Variants in CELF2 observed in about 807,000 individuals in gnomAD.
CELF2 encodes the protein CUG triplet repeat RNA-binding protein 2.
A neutral mutation model predicts 62.6 loss-of-function variants in CELF2; 8 were observed. The ratio of observed to expected loss-of-function variants is 0.13; its 90% CI spans 0.07 to 0.23. CELF2 has a LOEUF of 0.23. CELF2 is among the 10% of genes least tolerant of loss of function. The pLI is 1.00. For missense variants in CELF2, 333 were observed against 671.0 expected (o/e 0.50, Z 5.56); for synonymous variants, 258 against 250.0 (o/e 1.03, Z -0.30).
At chr10:10,497,406 C>A in the CELF2 span, among the ~76,000 whole-genome samples, 1 of 152,032 alleles carries the variant, frequency 6.6e-6, no homozygotes, top group Non-Finnish European at 1.5e-5. Flanking sequence ...GCACTAGGTG[C>A]TGAAAATACA....
At chr10:10,582,803 C>T in the CELF2 span, among the ~76,000 whole-genome samples, 79 of 152,262 alleles carry the variant, frequency 5.2e-4, no homozygotes, top group East Asian at 0.012. Context: ...TGACCTTCTT[C>T]TGTATTCTGC....
rs562264200 is a variant in CELF2, at chr10:11,046,316, C to T, written c.74+28153C>T. ...GATTGTGATGCCCGTGTCAATGTGC[C>T]GGTCAGAAAATCACAGATTGCCAAC... On this transcript the variant is annotated intron_variant, in intron 1 of 12. Transcript: ENST00000633077. The surrounding 1 kb of genome is among the most constrained non-coding windows in gnomAD (Gnocchi z 4.6). 9.2e-5 allele frequency among the ~76,000 whole-genome samples: 14 copies of T among 152,268 alleles called. No individual in the cohort carries two copies. The highest frequency in any genetic ancestry group is 2.1e-4 in the South Asian group (1 of 4,824).
chr10:10,619,077 A>T, the CELF2 span, among the ~76,000 whole-genome samples: 2 of 152,202 alleles, frequency 1.3e-5, no homozygotes, highest in Non-Finnish European at 2.9e-5. Context: ...GGAAGGGGGA[A>T]CTTCCATGTT....
At chr10:11,199,734 G>T (rs997890292) in intron 2 of CELF2, among the ~76,000 whole-genome samples, 3 of 152,216 alleles carry the variant, frequency 2.0e-5, no homozygotes, top group South Asian at 2.1e-4. Flanking sequence ...TGGAAATTAA[G>T]AATTTTTTTT....
chr10:10,564,102 C>T, the CELF2 span, among the ~76,000 whole-genome samples: 2 of 152,206 alleles, frequency 1.3e-5, no homozygotes, highest in Non-Finnish European at 2.9e-5. Context: ...ATCCTTTGCT[C>T]GCTACCTTTT....
chr10:10,907,262 T>C (rs968701473), intron 1 of CELF2, among the ~76,000 whole-genome samples: 1 of 152,198 alleles, frequency 6.6e-6, no homozygotes, highest in Admixed American at 6.5e-5. Flanking sequence ...AGGTTAATGA[T>C]GGAATTTTTT....
At chr10:11,250,107 A>T (rs1227539682) in intron 4 of CELF2, among the ~76,000 whole-genome samples, 2 of 152,160 alleles carry the variant, frequency 1.3e-5, no homozygotes, top group African/African-American at 4.8e-5. Flanking sequence ...ATTTTTTGCT[A>T]ATTGTAGTGC....
the CELF2 span, among the ~76,000 whole-genome samples, chr10:10,604,271 T>A: frequency 5.9e-5 from 9 of 152,206 alleles, no homozygotes; most frequent in African/African-American, 2.2e-4. Flanking sequence ...TAGCTTAAGA[T>A]ACGATAGATT....
chr10:11,320,819 T>G (rs1027117305), intron 10 of CELF2: 107 of 1,487,748 alleles, frequency 7.2e-5, no homozygotes, highest in Admixed American at 1.6e-4. Flanking sequence ...AGGCCTCTGC[T>G]ACTAAGGTTT....
At chr10:10,647,404 G>T in the CELF2 span, among the ~76,000 whole-genome samples, 1 of 152,062 alleles carries the variant, frequency 6.6e-6, no homozygotes. Flanking sequence ...ACTCTCCCAG[G>T]TCTTTCTGAT....
chr10:10,881,144 T>C (rs1161027316), intron 1 of CELF2, among the ~76,000 whole-genome samples: 1 of 152,208 alleles, frequency 6.6e-6, no homozygotes, highest in Admixed American at 6.5e-5. Flanking sequence ...CCTTGATCAG[T>C]TGCTCACCAC....
chr10:10,759,312 T>C, the CELF2 span, among the ~76,000 whole-genome samples: 53,439 of 130,154 alleles, frequency 0.41, 12,350 homozygotes, highest in African/African-American at 0.62. Context: ...TTTTTTTTTT[T>C]TTTTTTTTTT....
At chr10:10,777,351 A>G in the CELF2 span, among the ~76,000 whole-genome samples, 1 of 152,144 alleles carries the variant, frequency 6.6e-6, no homozygotes, top group African/African-American at 2.4e-5. Flanking sequence ...CCTAGACTGA[A>G]TTCATAATCA....
the CELF2 span, chr10:10,792,483 C>T: frequency 1.5e-5 from 6 of 398,254 alleles, no homozygotes; most frequent in South Asian, 7.6e-4. Context: ...ATTCGGCTTT[C>T]CTTGAAAACT....
At chr10:10,896,398 G>C (rs1235257595) in intron 1 of CELF2, among the ~76,000 whole-genome samples, 2 of 152,172 alleles carry the variant, frequency 1.3e-5, no homozygotes, top group Admixed American at 1.3e-4. Context: ...GATACACCAT[G>C]TGTACTGGGT....
At chr10:10,877,521 A>T (rs1415548558) in intron 1 of CELF2, among the ~76,000 whole-genome samples, 1 of 152,226 alleles carries the variant, frequency 6.6e-6, no homozygotes. Context: ...TCAGATATGC[A>T]TTTATCTCAG....
rs977230054 is a variant in CELF2, at chr10:11,318,847, C to T, written c.1097-2342C>T. The T allele has an allele frequency of 2.5e-5, 12 of 471,126 alleles. No individual in the cohort carries two copies. The highest frequency in any genetic ancestry group is 7.0e-5 in the Admixed American group (3 of 42,566). 29.2% of individuals were successfully genotyped at this position (471,126 alleles called of 1,614,324 possible). Reference sequence around the variant, plus strand: ...TGTGTATCTGGCACTCTGGAGAAGCCGAGTCGTGGAGGCTGCACATCGCAG... The same window carrying T: ...TGTGTATCTGGCACTCTGGAGAAGCTGAGTCGTGGAGGCTGCACATCGCAG... On this transcript the variant is annotated intron_variant, in intron 10 of 12. Coordinates refer to ENST00000633077, the MANE Select transcript of CELF2 (RefSeq NM_001326342.2). This position sits in a 1 kb window ranked among gnomAD's most constrained non-coding sequence, Gnocchi z 5.4.
chr10:11,042,996 T>C (rs1271518801), intron 1 of CELF2, among the ~76,000 whole-genome samples: 1 of 152,248 alleles, frequency 6.6e-6, no homozygotes, highest in Non-Finnish European at 1.5e-5. Context: ...TACAAGTTTT[T>C]GTGTGAAAAC....
chr10:10,571,389 T>C, the CELF2 span, among the ~76,000 whole-genome samples: 3 of 152,192 alleles, frequency 2.0e-5, no homozygotes, highest in African/African-American at 7.2e-5. Flanking sequence ...TTATGGACTG[T>C]TGACAGTAAT....
Sources: gnomAD v4.1 joint callset for allele counts (sites outside exome capture counted in the v4.1 genomes callset) on GRCh38, gnomAD v4.1.1 for gene constraint, Gnocchi (gnomAD v3.1) non-coding constraint, MANE v1.5 for transcripts, NCBI Gene and HGNC (gene_info 2026-07-23, HGNC 2026-07-21) for gene names.